VRK2: variants seen among roughly 807,000 people sequenced by gnomAD.
The protein encoded by VRK2 is VRK serine/threonine kinase 2.
A neutral mutation model predicts 57.6 loss-of-function variants in VRK2; 60 were observed. The observed-to-expected ratio is 1.04, with a 90% CI of 0.85 to 1.29. VRK2 has a LOEUF of 1.29. Among genes scored for constraint, VRK2 ranks in the 50% most tolerant of loss-of-function variants. The probability of loss-of-function intolerance (pLI) is 0.00; values close to 1 mark genes in which losing one functional copy is unlikely to be tolerated. For missense variants in VRK2, 705 were observed against 588.1 expected, an observed-to-expected ratio of 1.20 and a Z score of -2.06; for synonymous variants, 231 against 199.2, an observed-to-expected ratio of 1.16 and a Z score of -1.35.
At chr2:57,917,047 G>T (rs1380172099) in intron 1 of VRK2, among the ~76,000 whole-genome samples, 4 of 152,132 alleles carry the variant, frequency 2.6e-5, no homozygotes. Flanking sequence ...ACTAGCTGAT[G>T]AATCATTAGG....
At chr2:57,944,754 A>G (rs1671208881) in intron 1 of VRK2, among the ~76,000 whole-genome samples, 1 of 152,064 alleles carries the variant, frequency 6.6e-6, no homozygotes. Context: ...AAAAAGAAAA[A>G]CATTAATTCG....
intron 1 of VRK2, among the ~76,000 whole-genome samples, chr2:57,914,409 G>A (rs564748982): frequency 2.6e-5 from 4 of 151,952 alleles, no homozygotes; most frequent in Admixed American, 1.3e-4. Context: ...ACTCTATCCC[G>A]ATTCATTTTT....
At chr2:58,121,929 A>T (rs945949928) in intron 7 of VRK2, among the ~76,000 whole-genome samples, 1 of 152,200 alleles carries the variant, frequency 6.6e-6, no homozygotes, top group Non-Finnish European at 1.5e-5. Flanking sequence ...TCCATTCAGT[A>T]TATGGTCTGT....
intron 8 of VRK2, among the ~76,000 whole-genome samples, chr2:58,129,253 C>G (rs1196941769): frequency 6.6e-6 from 1 of 152,040 alleles, no homozygotes; most frequent in African/African-American, 2.4e-5. Flanking sequence ...CACTGAAGAA[C>G]CCTATGTATT....
intron 1 of VRK2, among the ~76,000 whole-genome samples, chr2:57,981,737 A>G (rs561067464): frequency 6.6e-6 from 1 of 152,146 alleles, no homozygotes; most frequent in South Asian, 2.1e-4. Flanking sequence ...TTCAATTTCC[A>G]GAAGTTTAAT....
chr2:58,141,987 G>A (rs1021720220), intron 11 of VRK2, among the ~76,000 whole-genome samples: 5 of 151,942 alleles, frequency 3.3e-5, no homozygotes, highest in Non-Finnish European at 5.9e-5. Context: ...TGGGTTTATA[G>A]TTATATGTAG....
intron 2 of VRK2, among the ~76,000 whole-genome samples, chr2:58,052,659 T>C (rs1464269248): frequency 6.6e-6 from 1 of 151,278 alleles, no homozygotes; most frequent in Non-Finnish European, 1.5e-5. Flanking sequence ...AAGAACTCCA[T>C]TGGAAGGGTG....
intron 3 of VRK2, among the ~76,000 whole-genome samples, chr2:58,038,256 T>C (rs1056999914): frequency 1.3e-5 from 2 of 152,118 alleles, no homozygotes; most frequent in African/African-American, 4.8e-5. Flanking sequence ...GGTTTTATAA[T>C]TGGAGGTTTC....
At chr2:58,158,490 T>G (rs976990164) in intron 12 of VRK2, among the ~76,000 whole-genome samples, 1 of 152,120 alleles carries the variant, frequency 6.6e-6, no homozygotes, top group African/African-American at 2.4e-5. Flanking sequence ...GGGTGGCAGT[T>G]TAAAGGTTGA....
rs1313300473 is a variant in VRK2, at chr2:58,048,781, GTTT to G, written c.-5-45_-5-43del. 4 of 1,592,438 alleles carry G rather than the reference GTTT, an allele frequency of 2.5e-6. 1 individual carries two copies. In the South Asian group the frequency reaches 4.5e-5, roughly 18 times the overall value. ...GAAGTGTATTTTAAGAGTTTTGTTT[GTTT>G]GTTTTTCTTTTTACCCATTTATCTC... On this transcript the variant is annotated intron_variant, in intron 1 of 12. Transcript: ENST00000340157.
chr2:58,077,666 C>T (rs1008616813), intron 2 of VRK2, among the ~76,000 whole-genome samples: 3 of 152,084 alleles, frequency 2.0e-5, no homozygotes, highest in African/African-American at 7.2e-5. Flanking sequence ...CTTCTCACTT[C>T]ATCACATCCT....
chr2:57,919,420 T>C (rs1294809764), intron 1 of VRK2, among the ~76,000 whole-genome samples: 1 of 152,134 alleles, frequency 6.6e-6, no homozygotes, highest in East Asian at 1.9e-4. Context: ...TTTCGATTTC[T>C]GGCTGGCAAT....
chr2:57,976,028 G>T lies in VRK2; in HGVS notation c.-438-49637G>T, dbSNP rs575111661. 1.3e-3 allele frequency among the ~76,000 whole-genome samples: 193 copies of T among 152,070 alleles called. 2 individuals carry two copies. Among genetic ancestry groups the T allele is most frequent in the African/African-American group, 4.6e-3 (189 of 41,480 alleles). On this transcript the variant is annotated intron_variant, in intron 1 of 15. Transcript: ENST00000417641. Reference sequence around the variant, plus strand: ...GAGAGCATGTGGTATTTGGTTTTCTGTTTCTGTGATAAGTCACTTAGGATA... The same window carrying T: ...GAGAGCATGTGGTATTTGGTTTTCTTTTTCTGTGATAAGTCACTTAGGATA...
intron 7 of VRK2, among the ~76,000 whole-genome samples, chr2:58,101,490 A>G (rs1673958081): frequency 6.6e-6 from 1 of 151,800 alleles, no homozygotes; most frequent in Non-Finnish European, 1.5e-5. Context: ...CGTCAGGTAC[A>G]GTTTTATCTT....
chr2:58,028,267 T>C (rs1673995116), intron 2 of VRK2: 1 of 152,188 alleles, frequency 6.6e-6, no homozygotes, highest in Admixed American at 6.5e-5. Context: ...CATAATTTCC[T>C]GGTCTTATCT....
chr2:58,075,802 C>A (rs1344523881), intron 2 of VRK2, among the ~76,000 whole-genome samples: 1 of 152,054 alleles, frequency 6.6e-6, no homozygotes, highest in Non-Finnish European at 1.5e-5. Context: ...AGTTTCCCTT[C>A]CCCTGCTGGA....
chr2:57,954,636 G>T (rs1197637829), intron 1 of VRK2, among the ~76,000 whole-genome samples: 1 of 152,048 alleles, frequency 6.6e-6, no homozygotes, highest in East Asian at 1.9e-4. Flanking sequence ...GTGTTACTAA[G>T]TTCAGAGTGT....
intron 1 of VRK2, among the ~76,000 whole-genome samples, chr2:57,983,386 C>T (rs1476614191): frequency 6.6e-6 from 1 of 152,188 alleles, no homozygotes; most frequent in Non-Finnish European, 1.5e-5. Flanking sequence ...GGATAACTTT[C>T]CCATCTCAAG....
At chr2:58,131,402 A>C (rs1015401213) in intron 8 of VRK2, among the ~76,000 whole-genome samples, 12 of 151,998 alleles carry the variant, frequency 7.9e-5, no homozygotes, top group African/African-American at 2.9e-4. Flanking sequence ...TGACCAATGC[A>C]GACCCTATGG....
Sources: gnomAD v4.1 joint callset for allele counts (sites outside exome capture counted in the v4.1 genomes callset) on GRCh38, gnomAD v4.1.1 for gene constraint, MANE v1.5 for transcripts, NCBI Gene and HGNC (gene_info 2026-07-23, HGNC 2026-07-21) for gene names.